The following CA10 variants were observed in gnomAD, a reference collection of about 807,000 sequenced individuals.
CA10 encodes carbonic anhydrase-related protein 10.
Under a neutral mutation model 44.2 loss-of-function variants are expected in CA10, and 14 were observed. That is an observed-to-expected ratio of 0.32 (90% CI 0.21 to 0.50). The LOEUF (loss-of-function observed/expected upper bound fraction) is 0.50. Ranked by LOEUF, CA10 falls within the 20% of genes least tolerant of loss-of-function variation. The pLI, the probability that CA10 is intolerant of heterozygous loss-of-function variation, is 0.99. For missense variants in CA10, 350 were observed against 409.7 expected (o/e 0.85, Z 1.26); for synonymous variants, 159 against 141.6 (o/e 1.12, Z -0.87).
At chr17:51,707,175 G>T (rs1597998572) in intron 4 of CA10, among the ~76,000 whole-genome samples, 1 of 152,124 alleles carries the variant, frequency 6.6e-6, no homozygotes, top group East Asian at 1.9e-4. Flanking sequence ...TGAATGAATG[G>T]TCAGCCCACT....
At chr17:51,700,431 C>A (rs1238718743) in intron 4 of CA10, among the ~76,000 whole-genome samples, 1 of 152,180 alleles carries the variant, frequency 6.6e-6, no homozygotes, top group Admixed American at 6.5e-5. Flanking sequence ...GCCCCTTCTC[C>A]CACCTCCGTT....
Position 51,757,695 on chromosome 17 carries a change from C to A in CA10, c.280-9877G>T, listed in dbSNP as rs976269841. 2.0e-5 allele frequency among the ~76,000 whole-genome samples: 3 copies of A among 152,216 alleles called. No individual in the cohort carries two copies. The East Asian group carries it at 5.8e-4, about 29-fold the overall frequency. ...AAACAGAAACAATTCAAGTTGACAT[C>A]TGGACCTGCCATTTACATGACATGT... On this transcript the variant is annotated intron_variant, in intron 3 of 8. Coordinates refer to ENST00000451037, the MANE Select transcript of CA10 (RefSeq NM_020178.5).
chr17:52,103,436 T>A (rs1040768947), intron 1 of CA10, among the ~76,000 whole-genome samples: 11 of 152,168 alleles, frequency 7.2e-5, no homozygotes, highest in Admixed American at 6.5e-4. Context: ...TACCATTGCT[T>A]GTCACCTGAA....
In CA10 at chr17:51,631,574, G is replaced by A. The variant is rs1597949844; in HGVS notation, c.*10C>T. On this transcript the variant is annotated 3_prime_UTR_variant, in exon 9 of 9. Coordinates refer to ENST00000451037, the MANE Select transcript of CA10 (RefSeq NM_020178.5). ...TTTCACTGAGGTGGGATTCTTCTTG[G>A]CTTTGTTCCCTACTTGAGGAGCCAT... The A allele has an allele frequency of 1.9e-6, 3 of 1,611,718 alleles. No individual in the cohort carries two copies. Among genetic ancestry groups the A allele is most frequent in the Non-Finnish European group, 2.5e-6 (3 of 1,178,050 alleles).
Position 51,820,944 on chromosome 17 carries a change from A to G in CA10, c.280-73126T>C, listed in dbSNP as rs374420278. On this transcript the variant is annotated intron_variant, in intron 3 of 8. Transcript: ENST00000451037. ...TCCAGTAGAAATCTTGAGGATTGTTACCCCAGGTGGAACTCCTTAGTAGAA... is the reference window on the plus strand; with the variant it reads ...TCCAGTAGAAATCTTGAGGATTGTTGCCCCAGGTGGAACTCCTTAGTAGAA... 1.6e-4 allele frequency among the ~76,000 whole-genome samples: 25 copies of G among 151,824 alleles called. No individual in the cohort carries two copies. In the South Asian group the frequency reaches 4.4e-3, roughly 27 times the overall value.
At chr17:51,774,211 T>C (rs1167762339) in intron 3 of CA10, among the ~76,000 whole-genome samples, 1 of 152,228 alleles carries the variant, frequency 6.6e-6, no homozygotes, top group Non-Finnish European at 1.5e-5. Context: ...AAGTTACTTT[T>C]TCAAAAGAGT....
At chr17:51,654,949 A>T (rs927656213) in intron 4 of CA10, among the ~76,000 whole-genome samples, 71 of 152,158 alleles carry the variant, frequency 4.7e-4, no homozygotes, top group African/African-American at 1.7e-3. Flanking sequence ...TGCTATACAT[A>T]CAACTATTAA....
intron 2 of CA10, among the ~76,000 whole-genome samples, chr17:51,995,917 T>G (rs1985219290): frequency 6.6e-6 from 1 of 152,018 alleles, no homozygotes; most frequent in Non-Finnish European, 1.5e-5. Context: ...AAAGAGAATT[T>G]CTCTCAATCA....
rs112289431 is a variant in CA10 at position 51,801,583 on chromosome 17, A to T, written c.280-53765T>A. Among the ~76,000 whole-genome samples the T allele has an allele frequency of 1.8e-3, 270 of 152,322 alleles. 1 individual carries two copies. The highest frequency in any genetic ancestry group is 6.2e-3 in the African/African-American group (257 of 41,568). On this transcript the variant is annotated intron_variant, in intron 3 of 8. Coordinates refer to ENST00000451037, the MANE Select transcript of CA10 (RefSeq NM_020178.5). The stretch of plus-strand genomic sequence containing the variant: ...TCTGTGGGGACAGACAATGAAAAAA[A>T]AAAGTGTGATCAGATACCTTCCTCA...
At chr17:52,104,304 C>T (rs1988610033) in intron 1 of CA10, among the ~76,000 whole-genome samples, 1 of 151,956 alleles carries the variant, frequency 6.6e-6, no homozygotes, top group African/African-American at 2.4e-5. Context: ...TTCAAGCCAA[C>T]CCTCCTACCT....
At chr17:51,708,806 G>T (rs1025394737) in intron 4 of CA10, among the ~76,000 whole-genome samples, 10 of 152,194 alleles carry the variant, frequency 6.6e-5, no homozygotes, top group Non-Finnish European at 1.3e-4. Flanking sequence ...GATGCTTCCT[G>T]CCCTTGAACG....
At chr17:51,701,227 C>T (rs553811906) in intron 4 of CA10, among the ~76,000 whole-genome samples, 332 of 152,188 alleles carry the variant, frequency 2.2e-3, no homozygotes, top group Non-Finnish European at 3.7e-3. Context: ...CCTCGGCGGG[C>T]GGCACCATCA....
Position 51,740,393 on chromosome 17 carries a change from G to C in CA10, c.465+7240C>G, listed in dbSNP as rs567935646. 3.3e-5 allele frequency among the ~76,000 whole-genome samples: 5 copies of C among 152,000 alleles called. No individual in the cohort carries two copies. The South Asian group carries it at 1.0e-3, about 32-fold the overall frequency. ...AGCAGATGCGTAATCATTCGTATTG[G>C]GTTTATGGATAAATTGTGGGCTATA... On this transcript the variant is annotated intron_variant, in intron 4 of 8. Transcript: ENST00000451037.
intron 4 of CA10, among the ~76,000 whole-genome samples, chr17:51,725,605 A>G (rs895816574): frequency 7.9e-5 from 12 of 152,186 alleles, no homozygotes; most frequent in Admixed American, 7.9e-4. Context: ...CTGATTGATA[A>G]AGAATGATTT....
At chr17:51,873,029 G>A (rs1164443277) in intron 3 of CA10, among the ~76,000 whole-genome samples, 1 of 152,208 alleles carries the variant, frequency 6.6e-6, no homozygotes, top group African/African-American at 2.4e-5. Flanking sequence ...AGTTCAATGT[G>A]CTGTAGGAGA....
At chr17:52,049,647 C>T (rs145587411) in intron 2 of CA10, among the ~76,000 whole-genome samples, 10 of 152,214 alleles carry the variant, frequency 6.6e-5, no homozygotes, top group Non-Finnish European at 1.0e-4. Context: ...CAATTTCATT[C>T]ACTCAGTGGC....
chr17:52,069,091 C>A (rs945707682), intron 2 of CA10, among the ~76,000 whole-genome samples: 1 of 152,194 alleles, frequency 6.6e-6, no homozygotes, highest in African/African-American at 2.4e-5. Flanking sequence ...GCCTTCAACT[C>A]ATTGGATAAG....
rs1251245251 is a variant in CA10, at chr17:51,826,054, C to A, written c.280-78236G>T. Among the ~76,000 whole-genome samples, 6 of 152,192 alleles carry A rather than the reference C, an allele frequency of 3.9e-5. No homozygotes were observed. The East Asian group carries it at 9.6e-4, about 24-fold the overall frequency. On this transcript the variant is annotated intron_variant, in intron 3 of 8. Transcript: ENST00000451037. ...AAATAGCAATGGTAATAACTACTTGCTGAAGTGGGTACAGAGGAATGGGGC... is the reference window on the plus strand; with the variant it reads ...AAATAGCAATGGTAATAACTACTTGATGAAGTGGGTACAGAGGAATGGGGC...
At chr17:51,759,529 T>A (rs1393016218) in intron 3 of CA10, among the ~76,000 whole-genome samples, 2 of 150,702 alleles carry the variant, frequency 1.3e-5, no homozygotes, top group Non-Finnish European at 3.0e-5. Context: ...TAGGCATGAT[T>A]GGATGTCTAT....
Sources: gnomAD v4.1 joint callset for allele counts (sites outside exome capture counted in the v4.1 genomes callset) on GRCh38, gnomAD v4.1.1 for gene constraint, MANE v1.5 for transcripts, NCBI Gene and HGNC (gene_info 2026-07-23, HGNC 2026-07-21) for gene names.